The following CPSF3 variants were observed in gnomAD, a reference collection of about 807,000 sequenced individuals.
CPSF3 encodes cleavage and polyadenylation specific factor 3, also known as cleavage and polyadenylation specificity factor subunit 3.
Under a neutral mutation model 84.1 loss-of-function variants are expected in CPSF3, and 57 were observed. The observed-to-expected ratio is 0.68, with a 90% CI of 0.55 to 0.85. The LOEUF is 0.85. Among genes scored for constraint, CPSF3 ranks in the 40% least tolerant of loss-of-function variants. CPSF3 has a pLI of 0.00. For missense variants in CPSF3, 522 were observed against 838.8 expected, an observed-to-expected ratio of 0.62 and a Z score of 4.66; for synonymous variants, 275 against 278.1, an observed-to-expected ratio of 0.99 and a Z score of 0.11.
chr2:9,439,729 C>T (rs61538485), intron 7 of CPSF3, among the ~76,000 whole-genome samples: 12,212 of 152,038 alleles, frequency 0.08, 1,624 homozygotes, highest in African/African-American at 0.27. Flanking sequence ...TGACTCATGC[C>T]TGTAATCCCA....
intron 15 of CPSF3, among the ~76,000 whole-genome samples, chr2:9,466,274 G>A (rs10165090): frequency 3.8e-5 from 2 of 52,742 alleles, no homozygotes; most frequent in African/African-American, 8.1e-5. Context: ...AAAGACGCAC[G>A]CACACACGTG....
At chr2:9,448,478 T>C (rs1404003484) in intron 11 of CPSF3, 128 bp downstream of exon 11, 1 of 764,784 alleles carries the variant, frequency 1.3e-6, no homozygotes, top group Non-Finnish European at 2.0e-6. Context: ...ACTACAGGAA[T>C]TTTATCCTTA....
At chr2:9,455,622 T>C (rs779311464) in intron 12 of CPSF3, 37 bp from the exon 13 acceptor site, 2 of 1,385,038 alleles carry the variant, frequency 1.4e-6, no homozygotes, top group African/African-American at 1.4e-5. Context: ...TTTGTAGGAC[T>C]AGTATTTCTT....
intron 1 of CPSF3, chr2:9,424,273 C>T (rs976328210): frequency 2.0e-6 from 2 of 986,572 alleles, no homozygotes; most frequent in South Asian, 4.6e-5. Context: ...CAGGGCTTCA[C>T]ATGTGCCAGA....
At chr2:9,457,264 T>C (rs1456410449) in intron 14 of CPSF3, among the ~76,000 whole-genome samples, 14 of 151,336 alleles carry the variant, frequency 9.3e-5, no homozygotes, top group Admixed American at 7.9e-4. Context: ...AACCTAATAA[T>C]AAATTAAGGG....
intron 10 of CPSF3, among the ~76,000 whole-genome samples, chr2:9,444,712 T>C (rs1681072516): frequency 6.6e-6 from 1 of 152,110 alleles, no homozygotes; most frequent in Admixed American, 6.6e-5. Flanking sequence ...TTGCCTAGGC[T>C]GGAGTGCAGT....
intron 10 of CPSF3, 95 bp downstream of exon 10, chr2:9,443,756 C>G (rs758789919): frequency 4.5e-6 from 6 of 1,335,098 alleles, no homozygotes; most frequent in Non-Finnish European, 6.3e-6. Context: ...GGCATCATCA[C>G]CTACTAATGC....
chr2:9,425,294 A>T (rs1312139272), intron 1 of CPSF3, among the ~76,000 whole-genome samples: 1 of 152,256 alleles, frequency 6.6e-6, no homozygotes, highest in East Asian at 1.9e-4. Flanking sequence ...TCGTATACAC[A>T]GGAGTTTGGA....
At chr2:9,429,896 T>A (rs1680518860) in intron 2 of CPSF3, 27 bp from the exon 3 acceptor site, 2 of 1,444,524 alleles carry the variant, frequency 1.4e-6, no homozygotes, top group Non-Finnish European at 1.9e-6. Flanking sequence ...TGCAGGAGAT[T>A]GTGATCTCTT....
chr2:9,430,064 A>T, intron 3 of CPSF3, 44 bp downstream of exon 3: 1 of 1,127,794 alleles, frequency 8.9e-7, no homozygotes, highest in East Asian at 2.6e-5. Flanking sequence ...ACGGACTTTT[A>T]CTATCAAGAT....
At position 9,459,638 on chromosome 2, in the gene CPSF3, C is replaced by CTTT. The variant is rs543727439; in HGVS notation, c.1786+46_1786+48dup. The stretch of plus-strand genomic sequence containing the variant: ...GAAAAGGTAAGAGTTCATTTTTATC[C>CTTT]TTTTTTTTTTTTTTTTTTTTTTTTT... On this transcript the variant is annotated intron_variant, in intron 15 of 17. Coordinates refer to ENST00000238112, the MANE Select transcript of CPSF3 (RefSeq NM_016207.4). The CTTT allele has an allele frequency of 2.9e-3, 885 of 310,110 alleles. 32 individuals are homozygous for CTTT. Among genetic ancestry groups the CTTT allele is most frequent in the African/African-American group, 0.011 (246 of 23,196 alleles). 19.2% of individuals were successfully genotyped at this position (310,110 alleles called of 1,614,324 possible).
At chr2:9,464,202 A>G (rs1347122339) in intron 15 of CPSF3, among the ~76,000 whole-genome samples, 3 of 152,096 alleles carry the variant, frequency 2.0e-5, no homozygotes, top group Admixed American at 6.6e-5. Context: ...TCTATTTTAC[A>G]TGGCACCTGT....
chr2:9,440,752 C>A lies in CPSF3; in HGVS notation c.936+86C>A, dbSNP rs150213772. The A allele has an allele frequency of 7.0e-4, 954 of 1,357,432 alleles. 3 individuals are homozygous for A. The African/African-American group carries it at 0.011, about 16-fold the overall frequency. The allele number at this position is 1,357,432 out of a possible 1,614,324, so 84.1% of individuals were successfully genotyped here. A position where few individuals can be genotyped will look rare whatever the true frequency, so the allele number is the denominator to read the frequency against. ...AGGTACGAGGCCGTGAGTGATGGCT[C>A]ACAGCTGTAATTTAGCACTTTGGGA... On this transcript the variant is annotated intron_variant, in intron 8 of 17. Transcript: ENST00000238112.
At chr2:9,442,879 C>T (rs1681003504) in intron 9 of CPSF3, among the ~76,000 whole-genome samples, 1 of 151,604 alleles carries the variant, frequency 6.6e-6, no homozygotes, top group African/African-American at 2.4e-5. Flanking sequence ...AAAAAATTTC[C>T]AGGCCTGGCA....
In CPSF3 at chr2:9,428,675, A is replaced by C. The variant is rs533253680; in HGVS notation, c.51-90A>C. On this transcript the variant is annotated intron_variant, in intron 1 of 17. Transcript: ENST00000238112. ...CAGTGAGGTGCTGTCATCAGATGGC[A>C]TGTAGTGTACATTGTAAAAAAGTGT... The C allele has an allele frequency of 6.1e-4, 481 of 792,722 alleles. 6 individuals carry two copies. The highest frequency in any genetic ancestry group is 5.3e-3 in the South Asian group (343 of 64,120). The allele number at this position is 792,722 out of a possible 1,614,324, so 49.1% of individuals were successfully genotyped here.
In CPSF3 at chr2:9,453,004, C is replaced by G. The variant is rs1206751958; in HGVS notation, c.1487C>G (p.Ser496Cys). Residue 496 changes from serine to cysteine, a missense_variant, in exon 12 of 18, where the codon TCT (serine) becomes TGT (cysteine). This residue lies in a region of CPSF3 where 193 missense variants were observed against 231.6 expected (regional missense o/e 0.83). Coordinates refer to ENST00000238112, the MANE Select transcript of CPSF3 (RefSeq NM_016207.4). Reference sequence around the variant, plus strand: ...AGAAACTTTAATTATCACATACTTTCTCCTTGCGACCTGTCCAGTAAGTAT... The same window carrying G: ...AGAAACTTTAATTATCACATACTTTGTCCTTGCGACCTGTCCAGTAAGTAT... ...VKRNFNYHIL[S>C]PCDLSNYTDL... is the part of the protein sequence containing the mutation. 6.2e-7 allele frequency: 1 copy of G among 1,604,406 alleles called. No individual in the cohort carries two copies.
At chr2:9,470,839 T>A (rs773007688) in intron 16 of CPSF3, among the ~76,000 whole-genome samples, 6 of 152,252 alleles carry the variant, frequency 3.9e-5, no homozygotes, top group Non-Finnish European at 8.8e-5. Context: ...GCTGAATAGA[T>A]CATTCTTGAA....
In CPSF3 at chr2:9,454,478, A is replaced by G. The variant is rs189838117; in HGVS notation, c.1505-1181A>G. On this transcript the variant is annotated intron_variant, in intron 12 of 17. Transcript: ENST00000238112. Reference sequence around the variant, plus strand: ...TGAGATTGCCCTGCTGTCAGTTTTCATAGCATCATAGGTCACTGTCTGACT... The same window carrying G: ...TGAGATTGCCCTGCTGTCAGTTTTCGTAGCATCATAGGTCACTGTCTGACT... Among the ~76,000 whole-genome samples, 173 of 152,012 alleles carry G rather than the reference A, an allele frequency of 1.1e-3. 2 individuals are homozygous for G. The East Asian group carries it at 0.029, about 25-fold the overall frequency.
Position 9,432,591 on chromosome 2 carries a change from A to G in CPSF3, c.422A>G (p.His141Arg), listed in dbSNP as rs755119135. ...GACAAAATTGAAACTATCAACTTTC[A>G]TGAAGTTAAGGAAGTTGCGGGAATC... ...SMDKIETINF[H>R]EVKEVAGIKF... The change falls in exon 5 of 18, where the codon CAT (histidine) becomes CGT (arginine). Residue 141 changes from histidine to arginine, a missense_variant. By Grantham distance (29) the His-to-Arg change is conservative. Around this residue, in one of 2 missense-constraint regions of CPSF3, gnomAD observed 329 missense variants for 607.2 expected, o/e 0.54. Transcript: ENST00000238112. 2 of 1,587,378 alleles carry G rather than the reference A, an allele frequency of 1.3e-6. No homozygotes were observed. Among genetic ancestry groups the G allele is most frequent in the Non-Finnish European group, 1.7e-6 (2 of 1,160,332 alleles).
Sources: allele counts gnomAD v4.1 joint callset (sites outside exome capture counted in the v4.1 genomes callset), GRCh38; gene constraint gnomAD v4.1.1; regional missense constraint gnomAD v4.1.1; transcripts MANE v1.5; gene names NCBI Gene and HGNC (gene_info 2026-07-23, HGNC 2026-07-21).